Variants in RBSN observed in about 807,000 individuals in gnomAD.
RBSN encodes the protein rabenosyn, RAB effector, also known as rabenosyn-5.
A neutral mutation model predicts 60.5 loss-of-function variants in RBSN; 34 were observed. The ratio of observed to expected loss-of-function variants is 0.56; its 90% CI spans 0.43 to 0.75. RBSN has a LOEUF of 0.75. RBSN is among the 30% of genes least tolerant of loss of function. RBSN has a pLI of 0.00. For missense variants in RBSN, 845 were observed against 986.8 expected (o/e 0.86, Z 1.92); for synonymous variants, 322 against 366.9 (o/e 0.88, Z 1.40).
chr3:15,078,393 G>C (rs933409664), intron 10 of RBSN, among the ~76,000 whole-genome samples: 2 of 152,228 alleles, frequency 1.3e-5, no homozygotes, highest in African/African-American at 4.8e-5. Flanking sequence ...AGGCCTCCAA[G>C]GACTAGCCCT....
At chr3:15,090,368 A>T (rs1411988874) in intron 5 of RBSN, 31 bp downstream of exon 5, 1 of 1,610,360 alleles carries the variant, frequency 6.2e-7, no homozygotes, top group Admixed American at 1.7e-5. Context: ...CTCAATAACC[A>T]CTTGCTGAAT....
Position 15,084,937 on chromosome 3 carries a change from A to G in RBSN, c.437-41T>C. On this transcript the variant is annotated intron_variant, in intron 7 of 13. Coordinates refer to ENST00000253699, the MANE Select transcript of RBSN (RefSeq NM_022340.4). The surrounding 1 kb of genome is among the most constrained non-coding windows in gnomAD (Gnocchi z 4.2). The stretch of plus-strand genomic sequence containing the variant: ...ACCAACAAGAAAGCAGGCCATTTTA[A>G]AGAGAGCTTTGGTCAGGGAAAAAAA... 6.2e-7 allele frequency: 1 copy of G among 1,613,604 alleles called. No homozygotes were observed. Among genetic ancestry groups the G allele is most frequent in the Non-Finnish European group, 8.5e-7 (1 of 1,179,724 alleles).
At position 15,079,675 on chromosome 3, in the gene RBSN, G is replaced by A. The variant is rs150723457; in HGVS notation, c.911+1057C>T. Among the ~76,000 whole-genome samples, 381 of 152,278 alleles carry A rather than the reference G, an allele frequency of 2.5e-3. 7 individuals carry two copies. The highest frequency in any genetic ancestry group is 0.022 in the East Asian group (116 of 5,186). On this transcript the variant is annotated intron_variant, in intron 10 of 13. Transcript: ENST00000253699. The stretch of plus-strand genomic sequence containing the variant: ...ACAGTACACTGTGTGAAAGAAGCCA[G>A]ACAAGAGAGATTTTATATTTATGAT...
chr3:15,074,567 T>C lies in RBSN; in HGVS notation c.1570A>G (p.Met524Val), dbSNP rs368016807. ...CGTTCCAACTCCCGTTCACGCAACA[T>C]CTGCAGCTGTTCCCGCTGCAGGTCC... ...EEDLQREQLQ[M>V]LRERELERER... The change falls in exon 14 of 14, where the codon ATG becomes GTG. Residue 524 changes from methionine to valine, a missense_variant. Met to Val is a conservative substitution (Grantham distance 21). Transcript: ENST00000253699. The surrounding 1 kb of genome is among the most constrained non-coding windows in gnomAD (Gnocchi z 6.4). 7.1e-5 allele frequency: 114 copies of C among 1,614,094 alleles called. No individual in the cohort carries two copies. Among genetic ancestry groups the C allele is most frequent in the Non-Finnish European group, 9.4e-5 (111 of 1,180,032 alleles).
intron 5 of RBSN, among the ~76,000 whole-genome samples, chr3:15,088,031 A>G (rs1279641299): frequency 6.6e-6 from 1 of 152,252 alleles, no homozygotes; most frequent in Non-Finnish European, 1.5e-5. Context: ...ATTAACTGCT[A>G]AAATTTGCCA....
At position 15,084,462 on chromosome 3, in the gene RBSN, T is replaced by C. The variant is rs930319028; in HGVS notation, c.598+273A>G. Reference sequence around the variant, plus strand: ...AGGTTGTTTAAAGAAAGAAGAAATGTCACAGCAACCATATGTGGCCCACAA... The same window carrying C: ...AGGTTGTTTAAAGAAAGAAGAAATGCCACAGCAACCATATGTGGCCCACAA... On this transcript the variant is annotated intron_variant, in intron 8 of 13. Coordinates refer to ENST00000253699, the MANE Select transcript of RBSN (RefSeq NM_022340.4). This position sits in a 1 kb window ranked among gnomAD's most constrained non-coding sequence, Gnocchi z 4.2. Among the ~76,000 whole-genome samples the C allele has an allele frequency of 2.0e-5, 3 of 152,196 alleles. No homozygotes were observed. The highest frequency in any genetic ancestry group is 7.2e-5 in the African/African-American group (3 of 41,446).
chr3:15,084,917 C>T lies in RBSN; in HGVS notation c.437-21G>A, dbSNP rs2043299638. ...TATTGCTTTGGGAAGAGCAAACCAA[C>T]AAGAAAGCAGGCCATTTTAAAGAGA... On this transcript the variant is annotated intron_variant, in intron 7 of 13. Coordinates refer to ENST00000253699, the MANE Select transcript of RBSN (RefSeq NM_022340.4). The surrounding 1 kb of genome is among the most constrained non-coding windows in gnomAD (Gnocchi z 4.2). 2 of 1,612,594 alleles carry T rather than the reference C, an allele frequency of 1.2e-6. No homozygotes were observed. The highest frequency in any genetic ancestry group is 1.7e-6 in the Non-Finnish European group (2 of 1,179,190).
chr3:15,097,300 A>G (rs1301844007), intron 2 of RBSN, among the ~76,000 whole-genome samples: 1 of 152,192 alleles, frequency 6.6e-6, no homozygotes, highest in Non-Finnish European at 1.5e-5. Context: ...GGATCACCTG[A>G]GGTCAGGAGT....
At chr3:15,085,822 T>A in intron 6 of RBSN, 39 bp downstream of exon 6, 1 of 1,499,120 alleles carries the variant, frequency 6.7e-7, no homozygotes, top group South Asian at 1.1e-5. Context: ...AGAAAATGTG[T>A]ATTTGTAGAA....
intron 5 of RBSN, among the ~76,000 whole-genome samples, chr3:15,089,898 T>G (rs1373788655): frequency 6.6e-6 from 1 of 152,070 alleles, no homozygotes; most frequent in Non-Finnish European, 1.5e-5. Context: ...GCGCCCAGCT[T>G]AGGATTTTCA....
In RBSN at chr3:15,074,365, A is replaced by G. The variant is rs9868848; in HGVS notation, c.1772T>C (p.Leu591Pro). 0.052 allele frequency: 84,182 copies of G among 1,614,016 alleles called. 2,595 individuals are homozygous for G. Among genetic ancestry groups the G allele is most frequent in the East Asian group, 0.1 (4,550 of 44,866 alleles). The change falls in exon 14 of 14, where the codon CTT becomes CCT. Residue 591 changes from leucine to proline, a missense_variant. By Grantham distance (98) the Leu-to-Pro change is moderately conservative (BLOSUM62 -3). Transcript: ENST00000253699. This position sits in a 1 kb window ranked among gnomAD's most constrained non-coding sequence, Gnocchi z 6.4. ...CACTCTGGTGGGTTGAGTTGAGCTA[A>G]GTGAAGGGGTCTTGGGAGCTGTGCT... ...PSSTAPKTPS[L>P]SSTQPTRVWS...
chr3:15,094,146 A>G (rs1559353929), intron 4 of RBSN, among the ~76,000 whole-genome samples: 1 of 152,224 alleles, frequency 6.6e-6, no homozygotes, highest in Non-Finnish European at 1.5e-5. Context: ...GAATCCGGGA[A>G]CATTCTCTAA....
chr3:15,093,679 C>T (rs1196677742), intron 4 of RBSN, among the ~76,000 whole-genome samples: 2 of 151,730 alleles, frequency 1.3e-5, no homozygotes, highest in Admixed American at 1.3e-4. Context: ...CATGAGCCAC[C>T]GCACCCGGCT....
Position 15,070,475 on chromosome 3 carries a change from T to G in RBSN, c.*3307A>C, listed in dbSNP as rs2042904547. 6.6e-6 allele frequency: 1 copy of G among 152,670 alleles called. No homozygotes were observed. 9.5% of individuals were successfully genotyped at this position (152,670 alleles called of 1,614,324 possible). On this transcript the variant is annotated 3_prime_UTR_variant, in exon 14 of 14. Transcript: ENST00000253699. The stretch of plus-strand genomic sequence containing the variant: ...GATCTGTGTCTAGGGAGATCTGCTA[T>G]GCCATATCAAGACCTTGCTCATCTG...
At chr3:15,075,296 G>C in intron 13 of RBSN, 1 of 617,592 alleles carries the variant, frequency 1.6e-6, no homozygotes, top group Non-Finnish European at 3.0e-6. Context: ...ATACCGATAT[G>C]TTCTACAAGG....
chr3:15,082,050 C>T lies in RBSN; in HGVS notation c.840+317G>A, dbSNP rs2043217137. On this transcript the variant is annotated intron_variant, in intron 9 of 13. Coordinates refer to ENST00000253699, the MANE Select transcript of RBSN (RefSeq NM_022340.4). This position sits in a 1 kb window ranked among gnomAD's most constrained non-coding sequence, Gnocchi z 4.2. Reference sequence around the variant, plus strand: ...GTTTATGAACATCTCTAGCTTCTGCCCTTCCCACAGAACCTGTCTACACCA... The same window carrying T: ...GTTTATGAACATCTCTAGCTTCTGCTCTTCCCACAGAACCTGTCTACACCA... Among the ~76,000 whole-genome samples, 1 of 152,176 alleles carries T rather than the reference C, an allele frequency of 6.6e-6. No homozygotes were observed. The highest frequency in any genetic ancestry group is 1.5e-5 in the Non-Finnish European group (1 of 68,024).
chr3:15,078,069 C>A lies in RBSN; in HGVS notation c.998+6G>T, dbSNP rs772458725. 1 of 1,613,646 alleles carries A rather than the reference C, an allele frequency of 6.2e-7. No homozygotes were observed. Among genetic ancestry groups the A allele is most frequent in the Non-Finnish European group, 8.5e-7 (1 of 1,179,582 alleles). On this transcript the variant is annotated splice_donor_region_variant and intron_variant, in intron 11 of 13. Coordinates refer to ENST00000253699, the MANE Select transcript of RBSN (RefSeq NM_022340.4). ...AGCGGGCAGGATACCACTTAATGGA[C>A]CTTACCTTAAAGCGTCTATCAGCTC...
chr3:15,082,421 T>C lies in RBSN; in HGVS notation c.786A>G (p.Arg262=). The stretch of plus-strand genomic sequence containing the variant: ...GCTCCTTCTCATCAATCTGCTGCTC[T>C]CTCTTGAGCAGCGTGTCCTTGCAGT... ...CTHCKDTLLK[R]EQQIDEKEHT... The change falls in exon 9 of 14, where the codon AGA becomes AGG. Residue 262 remains arginine, a synonymous_variant. Transcript: ENST00000253699. The surrounding 1 kb of genome is among the most constrained non-coding windows in gnomAD (Gnocchi z 4.2). 1 of 1,613,978 alleles carries C rather than the reference T, an allele frequency of 6.2e-7. No individual in the cohort carries two copies. The highest frequency in any genetic ancestry group is 8.5e-7 in the Non-Finnish European group (1 of 1,179,872).
Position 15,083,634 on chromosome 3 carries a change from T to C in RBSN, c.599-1026A>G, listed in dbSNP as rs533566624. 1.1e-4 allele frequency among the ~76,000 whole-genome samples: 16 copies of C among 152,252 alleles called. No individual in the cohort carries two copies. In the East Asian group the frequency reaches 3.1e-3, roughly 29 times the overall value. On this transcript the variant is annotated intron_variant, in intron 8 of 13. Coordinates refer to ENST00000253699, the MANE Select transcript of RBSN (RefSeq NM_022340.4). ...AAAATGTCCTCTTTCTCCATCTCTT[T>C]TGCAATCCTACTCATCTTTTAAGGC...
Sources: allele counts gnomAD v4.1 joint callset (sites outside exome capture counted in the v4.1 genomes callset), GRCh38; gene constraint gnomAD v4.1.1; non-coding constraint Gnocchi (gnomAD v3.1); transcripts MANE v1.5; gene names NCBI Gene and HGNC (gene_info 2026-07-23, HGNC 2026-07-21).